SLC51A: variants seen among roughly 807,000 people sequenced by gnomAD.
SLC51A encodes the protein solute carrier family 51 member A.
SLC51A carries 22 observed loss-of-function variants against 34.8 expected under a neutral mutation model. The observed-to-expected ratio is 0.63, with a 90% CI of 0.45 to 0.90. SLC51A has a LOEUF of 0.90. Among genes scored for constraint, SLC51A ranks in the 40% least tolerant of loss-of-function variants. SLC51A has a pLI of 0.00. For missense variants in SLC51A, 371 were observed against 414.8 expected (o/e 0.89, Z 0.92); for synonymous variants, 181 against 176.3 (o/e 1.03, Z -0.21).
chr3:196,222,249 T>C (rs1723777798), intron 2 of SLC51A, among the ~76,000 whole-genome samples: 1 of 152,206 alleles, frequency 6.6e-6, no homozygotes, highest in Admixed American at 6.5e-5. Flanking sequence ...TAAGTATGAT[T>C]ATATTCAAAA....
At position 196,216,733 on chromosome 3, in the gene SLC51A, G is replaced by T; in HGVS notation, c.21G>T (p.Gln7His). The T allele has an allele frequency of 6.3e-7, 1 of 1,578,014 alleles. No homozygotes were observed. The highest frequency in any genetic ancestry group is 8.6e-7 in the Non-Finnish European group (1 of 1,161,580). MEPGRT[Q>H]IKLDPRYTAD... ...CGGCGATGGAGCCGGGCAGGACCCA[G>T]ATAAAGCTTGACCCCAGGTAAGTGA... is the stretch of plus-strand genomic sequence containing the variant. The change falls in exon 1 of 9, where the codon CAG (glutamine) becomes CAT (histidine). Residue 7 changes from glutamine (Q) to histidine (H), a missense_variant. By Grantham distance (24) the Gln-to-His change is conservative. Transcript: ENST00000296327. The surrounding 1 kb of genome is among the most constrained non-coding windows in gnomAD (Gnocchi z 4.5).
At chr3:196,227,389 A>C in intron 3 of SLC51A, 1 of 590,482 alleles carries the variant, frequency 1.7e-6, no homozygotes, top group East Asian at 2.9e-5. Flanking sequence ...CAGTGTTGCC[A>C]CTTGAAGAGC....
Position 196,216,678 on chromosome 3 carries a change from C to G in SLC51A, c.-35C>G, listed in dbSNP as rs1199405001. The G allele has an allele frequency of 6.4e-7, 1 of 1,551,332 alleles. No individual in the cohort carries two copies. The highest frequency in any genetic ancestry group is 1.4e-5 in the African/African-American group (1 of 72,954). On this transcript the variant is annotated 5_prime_UTR_variant, in exon 1 of 9. Transcript: ENST00000296327. The surrounding 1 kb of genome is among the most constrained non-coding windows in gnomAD (Gnocchi z 4.5). ...CCCGCCCCGCCTGCCCTTCCTCACC[C>G]CGGTGCCTGCGGGATTGCTGGAGAG... is the stretch of plus-strand genomic sequence containing the variant.
chr3:196,216,762 C>T lies in SLC51A; in HGVS notation c.38+12C>T, dbSNP rs766882951. The T allele has an allele frequency of 1.2e-5, 19 of 1,569,818 alleles. No homozygotes were observed. Among genetic ancestry groups the T allele is most frequent in the East Asian group, 9.4e-5 (4 of 42,474 alleles). ...AAGCTTGACCCCAGGTAAGTGAGGG[C>T]GGCGGGCCCTGGGCCAGTCGCTGGG... On this transcript the variant is annotated intron_variant, in intron 1 of 8. Transcript: ENST00000296327. This position sits in a 1 kb window ranked among gnomAD's most constrained non-coding sequence, Gnocchi z 4.5.
intron 1 of SLC51A, among the ~76,000 whole-genome samples, 199 bp from the exon 2 acceptor site, chr3:196,217,637 GGAAGGA>G (rs1219447318): frequency 2.0e-5 from 3 of 150,406 alleles, no homozygotes; most frequent in Non-Finnish European, 4.4e-5. Context: ...AAGGAAGGAA[GGAAGGA>G]GAAGGGGAAG....
chr3:196,233,121 G>A lies in SLC51A; in HGVS notation c.945G>A (p.Met315Ile), dbSNP rs147370841. The change falls in exon 9 of 9, where the codon ATG (methionine) becomes ATA (isoleucine). Residue 315 changes from methionine (M) to isoleucine (I), a missense_variant. Transcript: ENST00000296327. ...ETFLMTVLTR[M>I]YYRRKDHKVG... Reference sequence around the variant, plus strand: ...TTCTAATGACTGTGCTGACACGAATGTACTACCGAAGGAAAGACCACAAGG... The same window carrying A: ...TTCTAATGACTGTGCTGACACGAATATACTACCGAAGGAAAGACCACAAGG... 1 of 1,614,164 alleles carries A rather than the reference G, an allele frequency of 6.2e-7. No individual in the cohort carries two copies. Among genetic ancestry groups the A allele is most frequent in the African/African-American group, 1.3e-5 (1 of 75,048 alleles).
At chr3:196,218,850 A>T (rs886291405) in intron 2 of SLC51A, among the ~76,000 whole-genome samples, 2 of 73,432 alleles carry the variant, frequency 2.7e-5, no homozygotes, top group Non-Finnish European at 6.1e-5. Flanking sequence ...AACAGTAATT[A>T]AAAAAAAAAA....
chr3:196,230,071 C>G lies in SLC51A; in HGVS notation c.780+10C>G. 6.3e-7 allele frequency: 1 copy of G among 1,598,482 alleles called. No individual in the cohort carries two copies. The highest frequency in any genetic ancestry group is 8.5e-7 in the Non-Finnish European group (1 of 1,173,122). On this transcript the variant is annotated intron_variant, in intron 7 of 8. Coordinates refer to ENST00000296327, the MANE Select transcript of SLC51A (RefSeq NM_152672.6). ...ATTTGCTCTGTTCCAGGTAACTATA[C>G]CCTGGGAGAGAAAAGATGTTTCATA... is the stretch of plus-strand genomic sequence containing the variant.
chr3:196,232,361 C>T (rs2108757754), intron 7 of SLC51A, 58 bp from the exon 8 acceptor site: 6 of 1,385,768 alleles, frequency 4.3e-6, no homozygotes, highest in South Asian at 2.3e-5. Context: ...GGGCTGGCTG[C>T]GTTCTGTGCC....
chr3:196,232,113 T>C (rs1403905089), intron 7 of SLC51A, among the ~76,000 whole-genome samples: 1 of 152,194 alleles, frequency 6.6e-6, no homozygotes, highest in South Asian at 2.1e-4. Flanking sequence ...CATCTCTTTA[T>C]CCATTGAGTG....
chr3:196,216,981 G>A lies in SLC51A; in HGVS notation c.38+231G>A, dbSNP rs1331422473. Among the ~76,000 whole-genome samples the A allele has an allele frequency of 1.3e-5, 2 of 152,248 alleles. No individual in the cohort carries two copies. Among genetic ancestry groups the A allele is most frequent in the African/African-American group, 2.4e-5 (1 of 41,474 alleles). The stretch of plus-strand genomic sequence containing the variant: ...AGCGTGGGGAGAGAAAGGTCGCAGA[G>A]CGGGGGCTGTGGAAGGCATTCGCAG... On this transcript the variant is annotated intron_variant, in intron 1 of 8. Coordinates refer to ENST00000296327, the MANE Select transcript of SLC51A (RefSeq NM_152672.6). This position sits in a 1 kb window ranked among gnomAD's most constrained non-coding sequence, Gnocchi z 4.5.
At chr3:196,220,890 CTTTT>C (rs758950658) in intron 2 of SLC51A, among the ~76,000 whole-genome samples, 4 of 132,298 alleles carry the variant, frequency 3.0e-5, no homozygotes, top group African/African-American at 2.8e-5. Context: ...CTTAATTTTT[CTTTT>C]TTTTTTTTTT....
At chr3:196,226,897 C>T (rs562243567) in intron 2 of SLC51A, 68 bp from the exon 3 acceptor site, 624 of 1,495,334 alleles carry the variant, frequency 4.2e-4, no homozygotes, top group Non-Finnish European at 5.2e-4. Context: ...AATTTCGATC[C>T]GAGGAACAAG....
chr3:196,217,772 G>C (rs1389314617), intron 1 of SLC51A, 70 bp from the exon 2 acceptor site: 1 of 1,306,810 alleles, frequency 7.7e-7, no homozygotes. Flanking sequence ...GAGTGGTTGA[G>C]GGTCCAGTGT....
chr3:196,225,403 G>A (rs1173682787), intron 2 of SLC51A, among the ~76,000 whole-genome samples: 1 of 152,024 alleles, frequency 6.6e-6, no homozygotes, highest in Non-Finnish European at 1.5e-5. Context: ...CCCTGTTTTG[G>A]TTTCAGCAGT....
At chr3:196,217,821 C>T (rs1426263443) in intron 1 of SLC51A, 21 bp from the exon 2 acceptor site, 1 of 1,609,462 alleles carries the variant, frequency 6.2e-7, no homozygotes, top group Non-Finnish European at 8.5e-7. Context: ...TGGTTCTGAG[C>T]ACAGGCTGGT....
chr3:196,220,288 AG>A (rs1723716716), intron 2 of SLC51A, among the ~76,000 whole-genome samples: 1 of 152,184 alleles, frequency 6.6e-6, no homozygotes, highest in African/African-American at 2.4e-5. Flanking sequence ...TGGACTGCAG[AG>A]GAAGAGGCTT....
At position 196,216,658 on chromosome 3, in the gene SLC51A, C is replaced by T. The variant is rs1723584790; in HGVS notation, c.-55C>T. The T allele has an allele frequency of 2.6e-6, 4 of 1,545,492 alleles. No individual in the cohort carries two copies. Among genetic ancestry groups the T allele is most frequent in the Middle Eastern group, 2.0e-4 (1 of 4,944 alleles). On this transcript the variant is annotated 5_prime_UTR_variant, in exon 1 of 9. Transcript: ENST00000296327. This position sits in a 1 kb window ranked among gnomAD's most constrained non-coding sequence, Gnocchi z 4.5. ...CTGCCCCCGGCCCCCACCTGCCCGC[C>T]CCGCCTGCCCTTCCTCACCCCGGTG...
Position 196,232,763 on chromosome 3 carries a change from G to A in SLC51A, c.886+239G>A, listed in dbSNP as rs1724054408. On this transcript the variant is annotated intron_variant, in intron 8 of 8. Coordinates refer to ENST00000296327, the MANE Select transcript of SLC51A (RefSeq NM_152672.6). Reference sequence around the variant, plus strand: ...TGAGGGCCAACCCAGGAAGCCATGGGTTCAGTCCTCAGCTCCTGGGAGAGG... The same window carrying A: ...TGAGGGCCAACCCAGGAAGCCATGGATTCAGTCCTCAGCTCCTGGGAGAGG... 4 of 584,100 alleles carry A rather than the reference G, an allele frequency of 6.8e-6. No homozygotes were observed. The South Asian group carries it at 8.3e-5, about 12-fold the overall frequency. The allele number at this position is 584,100 out of a possible 1,614,324, so 36.2% of individuals were successfully genotyped here.
Sources: allele counts gnomAD v4.1 joint callset (sites outside exome capture counted in the v4.1 genomes callset), GRCh38; gene constraint gnomAD v4.1.1; non-coding constraint Gnocchi (gnomAD v3.1); transcripts MANE v1.5; gene names NCBI Gene and HGNC (gene_info 2026-07-23, HGNC 2026-07-21).